Variants in MIOS observed in about 807,000 individuals in gnomAD.
MIOS encodes GATOR2 complex protein MIOS.
A neutral mutation model predicts 96.9 loss-of-function variants in MIOS; 52 were observed. The observed-to-expected ratio is 0.54, with a 90% CI of 0.43 to 0.68. The LOEUF (loss-of-function observed/expected upper bound fraction) is 0.68. Ranked by LOEUF, MIOS falls within the 30% of genes least tolerant of loss-of-function variation. MIOS has a pLI of 0.00. For synonymous variants in MIOS, 397 were observed against 359.5 expected (o/e 1.10, Z -1.18); for missense variants, 1,005 against 1,052.8 (o/e 0.95, Z 0.63).
rs887157970 is a variant in MIOS at position 7,572,995 on chromosome 7, G to A, written c.520G>A (p.Val174Ile). The A allele has an allele frequency of 1.2e-6, 2 of 1,614,030 alleles. No homozygotes were observed. Among genetic ancestry groups the A allele is most frequent in the South Asian group, 1.1e-5 (1 of 91,064 alleles). ...AGGTGAAACTGAAACAACATTATTAGTAACAAAACCACTTTATGAGTTAGG... is the reference window on the plus strand; with the variant it reads ...AGGTGAAACTGAAACAACATTATTAATAACAAAACCACTTTATGAGTTAGG... ...SAGETETTLL[V>I]TKPLYELGQN... Residue 174 changes from valine to isoleucine, a missense_variant, in exon 4 of 13, where the codon GTA becomes ATA. Around this residue, in one of 3 missense-constraint regions of MIOS, gnomAD observed 865 missense variants for 887.9 expected, o/e 0.97. Coordinates refer to ENST00000340080, the MANE Select transcript of MIOS (RefSeq NM_019005.4). This position sits in a 1 kb window ranked among gnomAD's most constrained non-coding sequence, Gnocchi z 4.8.
intron 11 of MIOS, among the ~76,000 whole-genome samples, chr7:7,600,761 T>C (rs999279671): frequency 2.6e-5 from 4 of 152,122 alleles, no homozygotes; most frequent in Admixed American, 6.6e-5. Flanking sequence ...CAACAGCATA[T>C]ACATTCTTTT....
intron 9 of MIOS, among the ~76,000 whole-genome samples, chr7:7,590,136 G>T (rs1454348601): frequency 6.6e-6 from 1 of 152,110 alleles, no homozygotes; most frequent in Non-Finnish European, 1.5e-5. Context: ...TAGCCCTCCA[G>T]TTGATCTTAT....
At chr7:7,605,907 A>G (rs1316652944) in intron 11 of MIOS, 35 bp from the exon 12 acceptor site, 2 of 1,577,620 alleles carry the variant, frequency 1.3e-6, no homozygotes, top group Admixed American at 3.4e-5. Context: ...AAATATTATG[A>G]TATAGTTAAT....
At chr7:7,594,948 A>G (rs1005424916) in intron 9 of MIOS, 32 bp from the exon 10 acceptor site, 3 of 1,548,490 alleles carry the variant, frequency 1.9e-6, no homozygotes, top group Non-Finnish European at 2.6e-6. Flanking sequence ...GGAGATTTTA[A>G]ACAATTGAAA....
chr7:7,579,816 A>G (rs1162531704), intron 5 of MIOS, among the ~76,000 whole-genome samples: 2 of 152,194 alleles, frequency 1.3e-5, no homozygotes, highest in Non-Finnish European at 2.9e-5. Flanking sequence ...GTAGTGGGCT[A>G]TGCCATCTAG....
Position 7,595,122 on chromosome 7 carries a change from C to G in MIOS, c.2186C>G (p.Pro729Arg). ...HRSKLDPSSK[P>R]LAQVFVSCNF... ...AGTAAGTTGGATCCCAGTTCCAAGC[C>G]TTTAGCACAAGTAAGTACATTGTTT... The change falls in exon 10 of 13, where the codon CCT becomes CGT. Residue 729 changes from proline to arginine, a missense_variant. Physicochemically the swap from Pro to Arg is moderately radical, Grantham distance 103. Around this residue, in one of 3 missense-constraint regions of MIOS, gnomAD observed 865 missense variants for 887.9 expected, o/e 0.97. Transcript: ENST00000340080. 6.2e-7 allele frequency: 1 copy of G among 1,610,558 alleles called. No individual in the cohort carries two copies. The highest frequency in any genetic ancestry group is 8.5e-7 in the Non-Finnish European group (1 of 1,179,094).
chr7:7,571,866 A>G (rs754059127), intron 3 of MIOS, among the ~76,000 whole-genome samples: 10 of 152,234 alleles, frequency 6.6e-5, no homozygotes, highest in African/African-American at 1.2e-4. Flanking sequence ...TCCATTGTTC[A>G]TTACGATGAC....
chr7:7,585,578 G>T, intron 6 of MIOS, 58 bp from the exon 7 acceptor site: 2 of 1,429,884 alleles, frequency 1.4e-6, no homozygotes, highest in South Asian at 2.9e-5. Context: ...TTTAAGAAAT[G>T]TAGAAGAGAT....
At chr7:7,578,712 A>ATTTTT (rs879763099) in intron 5 of MIOS, among the ~76,000 whole-genome samples, 1 of 146,346 alleles carries the variant, frequency 6.8e-6, no homozygotes, top group Non-Finnish European at 1.5e-5. Context: ...TTAAATCCTA[A>ATTTTT]TTTTTTTTTT....
chr7:7,567,688 G>T lies in MIOS; in HGVS notation c.-139G>T, dbSNP rs1783192255. On this transcript the variant is annotated splice_region_variant and 5_prime_UTR_variant, in exon 2 of 13. Coordinates refer to ENST00000340080, the MANE Select transcript of MIOS (RefSeq NM_019005.4). Reference sequence around the variant, plus strand: ...TGAAACCGCTCTCGTAATTTGCCACGGTAAGAAAAGTAAAAGACAACATCA... The same window carrying T: ...TGAAACCGCTCTCGTAATTTGCCACTGTAAGAAAAGTAAAAGACAACATCA... 6.6e-6 allele frequency: 1 copy of T among 152,104 alleles called. No homozygotes were observed. The allele number at this position is 152,104 out of a possible 1,614,324, so 9.4% of individuals were successfully genotyped here. A position where few individuals can be genotyped will look rare whatever the true frequency, so the allele number is the denominator to read the frequency against.
chr7:7,579,878 C>T (rs905771186), intron 5 of MIOS, among the ~76,000 whole-genome samples: 1 of 152,170 alleles, frequency 6.6e-6, no homozygotes, highest in Non-Finnish European at 1.5e-5. Context: ...TGCGTAATGA[C>T]ACATTTCTCA....
chr7:7,590,522 A>G (rs1308000079), intron 9 of MIOS, among the ~76,000 whole-genome samples: 1 of 152,206 alleles, frequency 6.6e-6, no homozygotes, highest in African/African-American at 2.4e-5. Context: ...ATCCAGTCTG[A>G]TAATTGCTGC....
rs1205441068 is a variant in MIOS at position 7,601,380 on chromosome 7, C to T, written c.2402-4562C>T. ...ATCAAATAGACGCAATAAAAAATGA[C>T]AAAGGGGATATCACCACCGATCCCA... On this transcript the variant is annotated intron_variant, in intron 11 of 12. Coordinates refer to ENST00000340080, the MANE Select transcript of MIOS (RefSeq NM_019005.4). Among the ~76,000 whole-genome samples, 17 of 151,396 alleles carry T rather than the reference C, an allele frequency of 1.1e-4. No homozygotes were observed. The East Asian group carries it at 1.7e-3, about 16-fold the overall frequency.
chr7:7,594,150 G>A (rs1266744380), intron 9 of MIOS, among the ~76,000 whole-genome samples: 9 of 152,182 alleles, frequency 5.9e-5, no homozygotes, highest in Non-Finnish European at 1.5e-5. Flanking sequence ...GGCAAGAAAT[G>A]TATGTTTTAA....
chr7:7,596,231 T>G, intron 10 of MIOS, 26 bp from the exon 11 acceptor site: 1 of 1,601,550 alleles, frequency 6.2e-7, no homozygotes, highest in Non-Finnish European at 8.6e-7. Flanking sequence ...GCATTACATT[T>G]ATTTTTTCTT....
At chr7:7,587,433 A>G (rs1260316879) in intron 7 of MIOS, among the ~76,000 whole-genome samples, 4 of 152,220 alleles carry the variant, frequency 2.6e-5, no homozygotes, top group Non-Finnish European at 5.9e-5. Flanking sequence ...TACTTTATGT[A>G]TAAATAATTA....
chr7:7,602,178 C>G (rs1212686572), intron 11 of MIOS, among the ~76,000 whole-genome samples: 2 of 152,166 alleles, frequency 1.3e-5, no homozygotes, highest in African/African-American at 4.8e-5. Flanking sequence ...CAGGGATGCC[C>G]TCTCTCACCA....
At chr7:7,596,199 A>T in intron 10 of MIOS, 58 bp from the exon 11 acceptor site, 1 of 1,451,332 alleles carries the variant, frequency 6.9e-7, no homozygotes, top group South Asian at 1.2e-5. Context: ...ACACTAAGTT[A>T]TTTAGCATTC....
intron 8 of MIOS, 25 bp from the exon 9 acceptor site, chr7:7,589,380 A>G: frequency 6.2e-7 from 1 of 1,606,958 alleles, no homozygotes; most frequent in East Asian, 2.2e-5. Flanking sequence ...AGATTGCTTT[A>G]GAAAAATCAC....
Sources: allele counts gnomAD v4.1 joint callset (sites outside exome capture counted in the v4.1 genomes callset), GRCh38; gene constraint gnomAD v4.1.1; regional missense constraint gnomAD v4.1.1; non-coding constraint Gnocchi (gnomAD v3.1); transcripts MANE v1.5; gene names NCBI Gene and HGNC (gene_info 2026-07-23, HGNC 2026-07-21).